Variants in ROBO2 observed in about 807,000 individuals in gnomAD.
The protein encoded by ROBO2 is roundabout guidance receptor 2.
Under a neutral mutation model 160.8 loss-of-function variants are expected in ROBO2, and 53 were observed. The observed-to-expected ratio is 0.33, with a 90% confidence interval of 0.26 to 0.41. The LOEUF (loss-of-function observed/expected upper bound fraction) is 0.41. ROBO2 is among the 10% of genes least tolerant of loss of function. The probability of loss-of-function intolerance (pLI) is 1.00; values close to 1 mark genes in which losing one functional copy is unlikely to be tolerated. For missense variants in ROBO2, 1,577 were observed against 1,722.4 expected (o/e 0.92, Z 1.49); for synonymous variants, 664 against 611.7 (o/e 1.09, Z -1.26).
chr3:77,167,811 AC>A (rs2079237417), intron 2 of ROBO2, among the ~76,000 whole-genome samples: 2 of 152,102 alleles, frequency 1.3e-5, no homozygotes, highest in South Asian at 4.1e-4. Flanking sequence ...TATGGAAGTT[AC>A]CCTGACACTT....
At chr3:76,937,903 C>A (rs1446860540) in intron 2 of ROBO2, among the ~76,000 whole-genome samples, 1 of 152,144 alleles carries the variant, frequency 6.6e-6, no homozygotes. Flanking sequence ...CGGGAATATT[C>A]ACTTAGAACC....
At chr3:76,336,275 A>G (rs189992300) in intron 2 of ROBO2, among the ~76,000 whole-genome samples, 1 of 152,354 alleles carries the variant, frequency 6.6e-6, no homozygotes, top group East Asian at 1.9e-4. Flanking sequence ...CTTACTGCAG[A>G]AATTATGCAT....
chr3:76,162,336 G>C (rs900610873), intron 2 of ROBO2, among the ~76,000 whole-genome samples: 3 of 152,040 alleles, frequency 2.0e-5, no homozygotes, highest in African/African-American at 7.2e-5. Context: ...AGGAGACAGG[G>C]TCTTGCTCTG....
chr3:76,385,270 G>C (rs2076828420), intron 2 of ROBO2, among the ~76,000 whole-genome samples: 1 of 152,074 alleles, frequency 6.6e-6, no homozygotes, highest in South Asian at 2.1e-4. Context: ...AGGATTACAG[G>C]CATGAACCAT....
intron 2 of ROBO2, among the ~76,000 whole-genome samples, chr3:76,632,928 T>C (rs1560273451): frequency 1.3e-5 from 2 of 152,172 alleles, no homozygotes; most frequent in Admixed American, 6.5e-5. Flanking sequence ...GTTAAATAGA[T>C]TGTGGAAAAT....
chr3:76,493,337 T>TTATAGATATATATATATATATA (rs1553773207), intron 2 of ROBO2, among the ~76,000 whole-genome samples: 1 of 104,830 alleles, frequency 9.5e-6, no homozygotes, highest in African/African-American at 3.5e-5. Context: ...AGACAAAAAA[T>TTATAGATATATATATATATATA]TATATATATA....
chr3:76,174,311 GT>G lies in ROBO2; in HGVS notation c.109+236711del, dbSNP rs2073148581. Among the ~76,000 whole-genome samples the G allele has an allele frequency of 8.5e-5, 13 of 152,198 alleles. No individual in the cohort carries two copies. In the South Asian group the frequency reaches 2.7e-3, roughly 32 times the overall value. On this transcript the variant is annotated intron_variant, in intron 2 of 26. Transcript: ENST00000487694. ...GCAAAAATTTTCTCCCATTCTGTAG[GT>G]TGCCTGTTCACTCTGATGATAGTTT...
At chr3:77,410,488 T>TTTCCTCCTCCTCCTCTTCCTCCTC (rs1206662328) in intron 2 of ROBO2, among the ~76,000 whole-genome samples, 1 of 146,398 alleles carries the variant, frequency 6.8e-6, no homozygotes, top group Admixed American at 6.8e-5. Flanking sequence ...CTCCCTCTTC[T>TTTCCTCCTCCTCCTCTTCCTCCTC]TTCCTCCTCC....
rs893875301 is a variant in ROBO2 at position 76,854,955 on chromosome 3, T to G, written c.110-243059T>G. Among the ~76,000 whole-genome samples the G allele has an allele frequency of 2.8e-4, 43 of 152,262 alleles. No individual in the cohort carries two copies. In the East Asian group the frequency reaches 7.6e-3, roughly 27 times the overall value. On this transcript the variant is annotated intron_variant, in intron 2 of 26. Transcript: ENST00000487694. ...AGAGAATAATCAAATATTCAATGTG[T>G]AGTTTTATTGCTTCTGTGAGTCCTT...
At position 75,942,784 on chromosome 3, in the gene ROBO2, C is replaced by T. The variant is rs552953903; in HGVS notation, c.109+5182C>T. Among the ~76,000 whole-genome samples the T allele has an allele frequency of 1.4e-3, 214 of 152,250 alleles. 3 individuals carry two copies. Among genetic ancestry groups the T allele is most frequent in the South Asian group, 0.013 (65 of 4,826 alleles). On this transcript the variant is annotated intron_variant, in intron 2 of 26. Transcript: ENST00000487694. ...CAGTTTAAGAATACCAGTGGATTTA[C>T]TTTAAAGACAGTATACTTTTGATTT...
intron 2 of ROBO2, among the ~76,000 whole-genome samples, chr3:76,114,002 G>A (rs982464903): frequency 1.3e-5 from 2 of 152,118 alleles, no homozygotes; most frequent in African/African-American, 2.4e-5. Context: ...GCTTCCTGAG[G>A]CCTCACCAGA....
chr3:76,434,397 T>C (rs887690625), intron 2 of ROBO2: 261 of 1,559,986 alleles, frequency 1.7e-4, no homozygotes, highest in Non-Finnish European at 2.3e-4. Flanking sequence ...CTGTCAGCTG[T>C]CAACGAAAGT....
intron 2 of ROBO2, among the ~76,000 whole-genome samples, chr3:76,724,681 A>T (rs1560448404): frequency 6.6e-6 from 1 of 152,150 alleles, no homozygotes; most frequent in East Asian, 1.9e-4. Context: ...AAAATTAAAT[A>T]TGTCCGTAGT....
At chr3:76,440,474 T>C (rs915017935) in intron 2 of ROBO2, among the ~76,000 whole-genome samples, 1 of 150,046 alleles carries the variant, frequency 6.7e-6, no homozygotes, top group African/African-American at 2.5e-5. Flanking sequence ...GAAAGGGGAG[T>C]CTAGGAAGCA....
At chr3:77,249,145 CTGCCCACATTTT>C (rs1287050016) in intron 2 of ROBO2, among the ~76,000 whole-genome samples, 2 of 152,302 alleles carry the variant, frequency 1.3e-5, no homozygotes, top group East Asian at 3.9e-4. Flanking sequence ...GCCACCGCCC[CTGCCCACATTTT>C]TGTTTTAATT....
At chr3:77,146,422 A>AT (rs983974970) in intron 2 of ROBO2, among the ~76,000 whole-genome samples, 2 of 152,088 alleles carry the variant, frequency 1.3e-5, no homozygotes, top group African/African-American at 4.8e-5. Flanking sequence ...CATGGAAATC[A>AT]TTTTTTTCCC....
At chr3:76,132,620 A>T (rs903255500) in intron 2 of ROBO2, among the ~76,000 whole-genome samples, 4 of 152,088 alleles carry the variant, frequency 2.6e-5, no homozygotes, top group African/African-American at 9.7e-5. Flanking sequence ...ATTATTATGC[A>T]GTAATTTTAC....
At chr3:77,163,239 C>T (rs534648747) in intron 2 of ROBO2, among the ~76,000 whole-genome samples, 1 of 152,200 alleles carries the variant, frequency 6.6e-6, no homozygotes, top group African/African-American at 2.4e-5. Flanking sequence ...AGATGTCTAT[C>T]AGCTTTTAAA....
intron 16 of ROBO2, among the ~76,000 whole-genome samples, chr3:77,587,063 A>G (rs2153682479): frequency 6.6e-6 from 1 of 152,204 alleles, no homozygotes. Flanking sequence ...ATAAAATTTT[A>G]TTTCTAATTC....
Sources: allele counts gnomAD v4.1 joint callset (sites outside exome capture counted in the v4.1 genomes callset), GRCh38; gene constraint gnomAD v4.1.1; transcripts MANE v1.5; gene names NCBI Gene and HGNC (gene_info 2026-07-23, HGNC 2026-07-21).